The following CSGALNACT1 variants were observed in gnomAD, a reference collection of about 807,000 sequenced individuals.
CSGALNACT1 encodes the protein beta4GalNAcT-1.
A neutral mutation model predicts 51.0 loss-of-function variants in CSGALNACT1; 52 were observed. That is an observed-to-expected ratio of 1.02 (90% CI 0.82 to 1.29). The LOEUF is 1.29. Ranked by LOEUF, CSGALNACT1 falls within the 50% of genes most tolerant of loss-of-function variation. The pLI is 0.00. For missense variants in CSGALNACT1, 935 were observed against 679.2 expected (o/e 1.38, Z -4.19); for synonymous variants, 341 against 254.4 (o/e 1.34, Z -3.24).
chr8:19,429,424 G>A (rs1343669225), intron 6 of CSGALNACT1, among the ~76,000 whole-genome samples: 1 of 151,538 alleles, frequency 6.6e-6, no homozygotes, highest in Non-Finnish European at 1.5e-5. Context: ...TGATCTGCCT[G>A]CCTCAGCCTC....
At chr8:19,624,640 C>T (rs1425944986) in intron 1 of CSGALNACT1, among the ~76,000 whole-genome samples, 1 of 151,596 alleles carries the variant, frequency 6.6e-6, no homozygotes, top group Non-Finnish European at 1.5e-5. Context: ...GAGGATCAGG[C>T]TACTTCCTTC....
intron 1 of CSGALNACT1, among the ~76,000 whole-genome samples, chr8:19,702,719 C>A (rs2061948105): frequency 6.6e-6 from 1 of 152,150 alleles, no homozygotes; most frequent in Non-Finnish European, 1.5e-5. Flanking sequence ...TCCCATCCAT[C>A]ACCCAGTTCC....
intron 5 of CSGALNACT1, among the ~76,000 whole-genome samples, chr8:19,440,869 G>T (rs916136663): frequency 6.6e-6 from 1 of 152,122 alleles, no homozygotes; most frequent in African/African-American, 2.4e-5. Flanking sequence ...CTTCAGCAAA[G>T]TCTCAGGATA....
intron 6 of CSGALNACT1, 111 bp downstream of exon 5, chr8:19,439,719 G>T: frequency 1.2e-6 from 1 of 835,156 alleles, no homozygotes; most frequent in Non-Finnish European, 2.0e-6. Context: ...ATCCATCCCA[G>T]TTCACCCACA....
chr8:19,469,715 T>C (rs2067648971), intron 4 of CSGALNACT1, among the ~76,000 whole-genome samples: 1 of 152,196 alleles, frequency 6.6e-6, no homozygotes, highest in Non-Finnish European at 1.5e-5. Context: ...AGGCTTTACC[T>C]ACTCTCAGTC....
chr8:19,738,255 A>C (rs1446328898), intron 1 of CSGALNACT1, among the ~76,000 whole-genome samples: 1 of 152,186 alleles, frequency 6.6e-6, no homozygotes, highest in African/African-American at 2.4e-5. Flanking sequence ...CTAATGGGGA[A>C]ATAAGAAAGC....
chr8:19,729,978 T>G (rs1015613313), intron 1 of CSGALNACT1, among the ~76,000 whole-genome samples: 4 of 152,080 alleles, frequency 2.6e-5, no homozygotes, highest in African/African-American at 9.7e-5. Flanking sequence ...AGAAGTAGGG[T>G]GCTGATGTCA....
At chr8:19,503,730 C>A (rs2076814510) in intron 4 of CSGALNACT1, among the ~76,000 whole-genome samples, 1 of 151,822 alleles carries the variant, frequency 6.6e-6, no homozygotes, top group Non-Finnish European at 1.5e-5. Context: ...TGTGCTTATA[C>A]AGGTTAGCTC....
chr8:19,481,270 A>G lies in CSGALNACT1; in HGVS notation c.635-22628T>C, dbSNP rs1377543757. ...CTCTGTGCCCTGGGTGTCTGTCCTT[A>G]TAGTCTGCCCCATACTCCTGGTTGG... On this transcript the variant is annotated intron_variant, in intron 4 of 9. Transcript: ENST00000454498. Among the ~76,000 whole-genome samples, 4 of 151,984 alleles carry G rather than the reference A, an allele frequency of 2.6e-5. No homozygotes were observed. In the East Asian group the frequency reaches 5.8e-4, roughly 22 times the overall value.
intron 9 of CSGALNACT1, 36 bp downstream of exon 8, chr8:19,408,577 C>T: frequency 2.5e-6 from 4 of 1,570,336 alleles, no homozygotes; most frequent in Non-Finnish European, 3.5e-6. Flanking sequence ...GGGCCCGTGG[C>T]CTCTGGGTGG....
intron 9 of CSGALNACT1, among the ~76,000 whole-genome samples, chr8:19,406,538 GTGA>G (rs1384017661): frequency 1.4e-5 from 2 of 143,860 alleles, no homozygotes; most frequent in East Asian, 4.3e-4. Flanking sequence ...TGACCCTGAT[GTGA>G]TGATTACACA....
intron 1 of CSGALNACT1, among the ~76,000 whole-genome samples, chr8:19,654,530 G>C (rs2058094177): frequency 6.6e-6 from 1 of 152,102 alleles, no homozygotes; most frequent in Non-Finnish European, 1.5e-5. Context: ...ATGTTGTAGG[G>C]TGTTTAAATA....
At chr8:19,569,425 G>C (rs2042544807) in intron 3 of CSGALNACT1, among the ~76,000 whole-genome samples, 1 of 151,990 alleles carries the variant, frequency 6.6e-6, no homozygotes. Flanking sequence ...TAGACCTTGT[G>C]ATACAATAAA....
intron 3 of CSGALNACT1, among the ~76,000 whole-genome samples, chr8:19,536,564 C>G (rs2083793556): frequency 1.3e-5 from 2 of 152,124 alleles, no homozygotes; most frequent in Non-Finnish European, 2.9e-5. Context: ...TCAGGAGTTA[C>G]ATGACTCAAC....
At chr8:19,407,518 C>T (rs2054487891) in intron 9 of CSGALNACT1, among the ~76,000 whole-genome samples, 1 of 152,160 alleles carries the variant, frequency 6.6e-6, no homozygotes. Flanking sequence ...CTATCTCTTT[C>T]GAGATCCAAG....
chr8:19,434,021 A>T (rs1354136013), intron 6 of CSGALNACT1, among the ~76,000 whole-genome samples: 1 of 152,182 alleles, frequency 6.6e-6, no homozygotes, highest in African/African-American at 2.4e-5. Flanking sequence ...GAATAGAGCA[A>T]GTTAAACCTC....
intron 3 of CSGALNACT1, among the ~76,000 whole-genome samples, chr8:19,554,806 T>C (rs914646297): frequency 1.3e-5 from 2 of 152,044 alleles, no homozygotes; most frequent in African/African-American, 4.8e-5. Context: ...TAGTCCCAGC[T>C]ACTCAGGAGG....
intron 2 of CSGALNACT1, among the ~76,000 whole-genome samples, chr8:19,597,285 C>CTTTTTTT (rs35177349): frequency 2.8e-4 from 18 of 64,566 alleles, no homozygotes; most frequent in South Asian, 7.6e-4. Flanking sequence ...TATCTTCTTT[C>CTTTTTTT]TTTTTTTTTT....
intron 3 of CSGALNACT1, among the ~76,000 whole-genome samples, chr8:19,552,003 G>A (rs774737131): frequency 7.9e-5 from 12 of 151,992 alleles, no homozygotes; most frequent in East Asian, 1.9e-4. Context: ...AACTAGCACT[G>A]GATCATACCC....
Sources: allele counts gnomAD v4.1 joint callset (sites outside exome capture counted in the v4.1 genomes callset), GRCh38; gene constraint gnomAD v4.1.1; transcripts MANE v1.5; gene names NCBI Gene and HGNC (gene_info 2026-07-23, HGNC 2026-07-21).